DRAM1: variants seen among roughly 807,000 people sequenced by gnomAD.
The protein encoded by DRAM1 is DNA damage-regulated autophagy modulator protein 1.
In DRAM1, 25 loss-of-function variants were observed where a neutral mutation model predicts 28.5. That is an observed-to-expected ratio of 0.88 (90% CI 0.64 to 1.23). The LOEUF (loss-of-function observed/expected upper bound fraction) is 1.23, where lower values mean the gene tolerates loss of function less well. Ranked by LOEUF, DRAM1 falls within the 50% of genes most tolerant of loss-of-function variation. DRAM1 has a pLI of 0.00. For synonymous variants in DRAM1, 113 were observed against 114.2 expected (o/e 0.99, Z 0.07); for missense variants, 249 against 299.2 (o/e 0.83, Z 1.24).
At chr12:101,918,731 A>G (rs1052996456) in intron 5 of DRAM1, among the ~76,000 whole-genome samples, 7 of 152,162 alleles carry the variant, frequency 4.6e-5, no homozygotes, top group Admixed American at 3.3e-4. Context: ...AGAGCAGCCC[A>G]TGTATGCAGC....
At chr12:101,895,186 G>GTTTTTTTTTTTTTTGTTT (rs1873301395) in intron 1 of DRAM1, among the ~76,000 whole-genome samples, 1 of 75,720 alleles carries the variant, frequency 1.3e-5, no homozygotes. Context: ...AACCCTTCAG[G>GTTTTTTTTTTTTTTGTTT]TTTTTTTTTT....
At chr12:101,904,816 T>G (rs1873743759) in intron 3 of DRAM1, among the ~76,000 whole-genome samples, 1 of 152,184 alleles carries the variant, frequency 6.6e-6, no homozygotes, top group Non-Finnish European at 1.5e-5. Context: ...CAAGAGAGTT[T>G]CTAAAAAGCA....
Position 101,878,635 on chromosome 12 carries a change from G to A in DRAM1, c.131+715G>A, listed in dbSNP as rs568396331. Among the ~76,000 whole-genome samples the A allele has an allele frequency of 2.6e-5, 4 of 152,304 alleles. No individual in the cohort carries two copies. In the South Asian group the frequency reaches 6.2e-4, roughly 24 times the overall value. On this transcript the variant is annotated intron_variant, in intron 1 of 6. Transcript: ENST00000258534. ...GTGCTTTGGCCTCTACCTTCCTGAGGGGCACTTCAGTGCCAGGGACAGTGG... is the reference window on the plus strand; with the variant it reads ...GTGCTTTGGCCTCTACCTTCCTGAGAGGCACTTCAGTGCCAGGGACAGTGG...
At chr12:101,916,663 T>C (rs1208646463) in intron 5 of DRAM1, among the ~76,000 whole-genome samples, 1 of 152,138 alleles carries the variant, frequency 6.6e-6, no homozygotes, top group Non-Finnish European at 1.5e-5. Flanking sequence ...GACAGAGGAT[T>C]CTTTCCCCCA....
chr12:101,877,931 G>A lies in DRAM1; in HGVS notation c.131+11G>A. ...CCTCCCGTATATCAGGTGAGTGGCAGGGTGGGCGTCAGGGCCCCAGGAGCA... is the reference window on the plus strand; with the variant it reads ...CCTCCCGTATATCAGGTGAGTGGCAAGGTGGGCGTCAGGGCCCCAGGAGCA... On this transcript the variant is annotated intron_variant, in intron 1 of 6. Transcript: ENST00000258534. This position sits in a 1 kb window ranked among gnomAD's most constrained non-coding sequence, Gnocchi z 4.1. 1 of 1,523,344 alleles carries A rather than the reference G, an allele frequency of 6.6e-7. No individual in the cohort carries two copies. Among genetic ancestry groups the A allele is most frequent in the South Asian group, 1.2e-5 (1 of 81,258 alleles). 94.4% of individuals were successfully genotyped at this position (1,523,344 alleles called of 1,614,324 possible).
Position 101,877,919 on chromosome 12 carries a change from A to G in DRAM1, c.130A>G (p.Ser44Gly). The change falls in exon 1 of 7, where the codon AGT becomes GGT. Residue 44 changes from serine to glycine, a missense_variant and splice_region_variant. Physicochemically the swap from Ser to Gly is moderately conservative, Grantham distance 56 (BLOSUM62 0). Transcript: ENST00000258534. This position sits in a 1 kb window ranked among gnomAD's most constrained non-coding sequence, Gnocchi z 4.1. ...CGTCAACCCCTTCCTCCCGTATATC[A>G]GGTGAGTGGCAGGGTGGGCGTCAGG... ...GHVNPFLPYI[S>G]DTGTTPPESG... The G allele has an allele frequency of 6.5e-7, 1 of 1,531,992 alleles. No individual in the cohort carries two copies. Among genetic ancestry groups the G allele is most frequent in the Non-Finnish European group, 8.8e-7 (1 of 1,135,436 alleles). The allele number at this position is 1,531,992 out of a possible 1,614,324, so 94.9% of individuals were successfully genotyped here. A position where few individuals can be genotyped will look rare whatever the true frequency, so the allele number is the denominator to read the frequency against.
chr12:101,880,707 G>A (rs1031338558), intron 1 of DRAM1, among the ~76,000 whole-genome samples: 1 of 152,168 alleles, frequency 6.6e-6, no homozygotes, highest in Non-Finnish European at 1.5e-5. Flanking sequence ...AATGTTCATA[G>A]AGGTGTCTGA....
rs562061859 is a variant in DRAM1 at position 101,898,089 on chromosome 12, C to T, written c.199+159C>T. ...AGGCTGGAGTGCAGTGGCGTGATCA[C>T]GGCTCACTGCAGCCTCAACCTGCCA... On this transcript the variant is annotated intron_variant, in intron 2 of 6. Transcript: ENST00000258534. Among the ~76,000 whole-genome samples, 79 of 152,236 alleles carry T rather than the reference C, an allele frequency of 5.2e-4. No homozygotes were observed. The Middle Eastern group carries it at 0.02, about 39-fold the overall frequency.
At chr12:101,906,363 C>A (rs954682577) in intron 3 of DRAM1, among the ~76,000 whole-genome samples, 1 of 151,746 alleles carries the variant, frequency 6.6e-6, no homozygotes, top group African/African-American at 2.4e-5. Flanking sequence ...CTGGGGAAGC[C>A]CAGGTCAGAG....
intron 3 of DRAM1, among the ~76,000 whole-genome samples, chr12:101,905,757 TTTTA>T (rs141269206): frequency 7.0e-4 from 103 of 147,524 alleles, no homozygotes; most frequent in African/African-American, 1.6e-3. Flanking sequence ...GCCCATCTGA[TTTTA>T]TTTATTTATT....
chr12:101,919,342 A>C (rs1272770326), intron 5 of DRAM1, among the ~76,000 whole-genome samples: 1 of 151,814 alleles, frequency 6.6e-6, no homozygotes, highest in Admixed American at 6.6e-5. Flanking sequence ...AAGCAACACT[A>C]GTGTATTATT....
At chr12:101,908,036 C>T in intron 3 of DRAM1, 150 bp from the exon 4 acceptor site, 1 of 672,178 alleles carries the variant, frequency 1.5e-6, no homozygotes, top group Non-Finnish European at 2.4e-6. Context: ...ACCTGGAGGG[C>T]TTTTCTTTTG....
chr12:101,901,219 C>G, intron 2 of DRAM1, 72 bp from the exon 3 acceptor site: 6 of 1,525,910 alleles, frequency 3.9e-6, no homozygotes, highest in Non-Finnish European at 5.3e-6. Flanking sequence ...AAAAGTGATA[C>G]AAAGCTGCTC....
intron 3 of DRAM1, 99 bp from the exon 4 acceptor site, chr12:101,908,087 T>C: frequency 3.0e-6 from 3 of 1,007,118 alleles, no homozygotes; most frequent in Admixed American, 2.6e-5. Flanking sequence ...GGTGCATCTG[T>C]GATGACCAAT....
intron 3 of DRAM1, among the ~76,000 whole-genome samples, chr12:101,905,643 G>A (rs1390090855): frequency 6.6e-6 from 1 of 151,962 alleles, no homozygotes; most frequent in East Asian, 1.9e-4. Context: ...AGACTAGAGT[G>A]CAGTGGTGCT....
intron 1 of DRAM1, among the ~76,000 whole-genome samples, chr12:101,885,468 GA>G (rs1190957476): frequency 1.3e-5 from 2 of 151,370 alleles, no homozygotes; most frequent in African/African-American, 4.8e-5. Flanking sequence ...TTTGAAGGGG[GA>G]TAGGAAGAGG....
intron 3 of DRAM1, among the ~76,000 whole-genome samples, chr12:101,907,947 T>C (rs1438643026): frequency 1.3e-5 from 2 of 151,824 alleles, no homozygotes; most frequent in Non-Finnish European, 2.9e-5. Context: ...CCCTCCCACC[T>C]GTAAGGCAGA....
chr12:101,919,829 A>AT (rs1486788624), intron 5 of DRAM1, among the ~76,000 whole-genome samples: 1 of 152,194 alleles, frequency 6.6e-6, no homozygotes, highest in African/African-American at 2.4e-5. Flanking sequence ...AGTCTCAGCC[A>AT]TTTTGCAGTC....
intron 3 of DRAM1, among the ~76,000 whole-genome samples, chr12:101,906,970 G>GGGCT (rs1167045622): frequency 6.6e-6 from 1 of 151,868 alleles, no homozygotes; most frequent in East Asian, 1.9e-4. Context: ...ACTGGCACAG[G>GGGCT]GGCTGCCTTC....
Sources: gnomAD v4.1 joint callset for allele counts (sites outside exome capture counted in the v4.1 genomes callset) on GRCh38, gnomAD v4.1.1 for gene constraint, Gnocchi (gnomAD v3.1) non-coding constraint, MANE v1.5 for transcripts, NCBI Gene and HGNC (gene_info 2026-07-23, HGNC 2026-07-21) for gene names.